SLCO4A1: variants seen among roughly 807,000 people sequenced by gnomAD.
SLCO4A1 encodes the protein colon organic anion transporter.
Under a neutral mutation model 64.6 loss-of-function variants are expected in SLCO4A1, and 51 were observed. That is an observed-to-expected ratio of 0.79 (90% CI 0.63 to 1.00). SLCO4A1 has a LOEUF of 1.00. SLCO4A1 is among the 50% of genes least tolerant of loss of function. The pLI is 0.00. For synonymous variants in SLCO4A1, 471 were observed against 444.9 expected (o/e 1.06, Z -0.74); for missense variants, 919 against 980.5 (o/e 0.94, Z 0.84).
intron 1 of SLCO4A1, chr20:62,648,833 C>T (rs1214883103): frequency 6.6e-6 from 1 of 152,316 alleles, no homozygotes; most frequent in African/African-American, 2.4e-5. Context: ...TGATTCGCAG[C>T]CATGGGCAGC....
intron 1 of SLCO4A1, among the ~76,000 whole-genome samples, chr20:62,656,072 G>A (rs938518246): frequency 5.9e-5 from 9 of 152,346 alleles, no homozygotes; most frequent in African/African-American, 1.9e-4. Flanking sequence ...ACGCCACACC[G>A]CTGAAGCGGC....
chr20:62,684,768 A>G (rs1987992301), intron 2 of SLCO4A1, among the ~76,000 whole-genome samples: 1 of 151,678 alleles, frequency 6.6e-6, no homozygotes, highest in Admixed American at 6.6e-5. Flanking sequence ...GGGTCCCCAT[A>G]ACTCATCAGG....
chr20:62,671,824 A>T lies in SLCO4A1; in HGVS notation c.2100A>T (p.Glu700Asp). Reference sequence around the variant, plus strand: ...TGTCGGAGTCTTCAGATGGCCTGGAAACTTGTCTGCCCAGCCAGTCCTCAG... The same window carrying T: ...TGTCGGAGTCTTCAGATGGCCTGGATACTTGTCTGCCCAGCCAGTCCTCAG... ...KPLSESSDGL[E>D]TCLPSQSSAP... is the part of the protein sequence containing the mutation. Residue 700 changes from glutamate to aspartate, a missense_variant, in exon 12 of 12, where the codon GAA becomes GAT. Glu to Asp is a conservative substitution (Grantham distance 45, BLOSUM62 2). Transcript: ENST00000217159. The T allele has an allele frequency of 6.2e-7, 1 of 1,613,470 alleles. No individual in the cohort carries two copies. Among genetic ancestry groups the T allele is most frequent in the African/African-American group, 1.3e-5 (1 of 75,040 alleles).
At chr20:62,655,716 G>A (rs1002942331) in intron 1 of SLCO4A1, among the ~76,000 whole-genome samples, 3 of 152,158 alleles carry the variant, frequency 2.0e-5, no homozygotes, top group African/African-American at 4.8e-5. Context: ...GGAGCTTGGC[G>A]GCCGGGGGTG....
At chr20:62,672,414 T>A, downstream of SLCO4A1, 1 of 372,780 alleles carries the variant, frequency 2.7e-6, no homozygotes, top group Non-Finnish European at 3.7e-6. Flanking sequence ...TGGCCTTCCT[T>A]ATCCACAGGC....
Position 62,657,156 on chromosome 20 carries a change from G to C in SLCO4A1, c.702G>C (p.Gln234His), listed in dbSNP as rs1361483550. 1 of 1,560,224 alleles carries C rather than the reference G, an allele frequency of 6.4e-7. No homozygotes were observed. The highest frequency in any genetic ancestry group is 8.7e-7 in the Non-Finnish European group (1 of 1,153,230). Reference sequence around the variant, plus strand: ...ACCAGCTGGTCTTCATGCTGGGCCAGTTCCTGCATGGCGTGGGTGCCACAC... The same window carrying C: ...ACCAGCTGGTCTTCATGCTGGGCCACTTCCTGCATGGCGTGGGTGCCACAC... Reference protein sequence around the residue: ...SRYQLVFMLGQFLHGVGATPL... With the variant: ...SRYQLVFMLGHFLHGVGATPL... The change falls in exon 2 of 12, where the codon CAG becomes CAC. Residue 234 changes from glutamine (Q) to histidine (H), a missense_variant. Transcript: ENST00000217159.
intron 1 of SLCO4A1, chr20:62,643,233 A>C (rs1348632608): frequency 2.9e-6 from 1 of 341,806 alleles, no homozygotes; most frequent in Non-Finnish European, 5.9e-6. Context: ...GGCGCCCTCC[A>C]GGTGCAGGCA....
chr20:62,668,932 G>A lies in SLCO4A1; in HGVS notation c.1879G>A (p.Gly627Ser). 1 of 1,602,888 alleles carries A rather than the reference G, an allele frequency of 6.2e-7. No homozygotes were observed. Among genetic ancestry groups the A allele is most frequent in the South Asian group, 1.1e-5 (1 of 91,004 alleles). ...GCTGAGTGGGCTTCTCTCCGCAGGG[G>A]GCATCCCGGGGCCCATCGCCTTCGG... ...IQWIVVRILG[G>S]IPGPIAFGWV... Residue 627 changes from glycine (G) to serine (S), a missense_variant and splice_region_variant, in exon 11 of 12, where the codon GGC becomes AGC. By Grantham distance (56) the Gly-to-Ser change is moderately conservative. Coordinates refer to ENST00000217159, the MANE Select transcript of SLCO4A1 (RefSeq NM_016354.4).
chr20:62,673,282 G>A (rs1281417599), downstream of SLCO4A1, among the ~76,000 whole-genome samples: 1 of 142,446 alleles, frequency 7.0e-6, no homozygotes, highest in African/African-American at 2.5e-5. Flanking sequence ...GAGTACAGGG[G>A]CTCTGGGGAG....
At position 62,658,662 on chromosome 20, in the gene SLCO4A1, C is replaced by T; in HGVS notation, c.797-15C>T. 1 of 1,604,236 alleles carries T rather than the reference C, an allele frequency of 6.2e-7. No individual in the cohort carries two copies. The highest frequency in any genetic ancestry group is 1.3e-5 in the African/African-American group (1 of 74,988). On this transcript the variant is annotated splice_polypyrimidine_tract_variant and intron_variant, in intron 2 of 11. Coordinates refer to ENST00000217159, the MANE Select transcript of SLCO4A1 (RefSeq NM_016354.4). ...GTGGTGCACAGCGGCCCTGACGCCT[C>T]TGCCTCTCTCGCAGCCATCTTCTAC...
In SLCO4A1 at chr20:62,661,196, G is replaced by A; in HGVS notation, c.1121+21G>A. The A allele has an allele frequency of 6.5e-7, 1 of 1,543,688 alleles. No individual in the cohort carries two copies. The highest frequency in any genetic ancestry group is 9.0e-7 in the Non-Finnish European group (1 of 1,116,710). On this transcript the variant is annotated intron_variant, in intron 5 of 11. Transcript: ENST00000217159. The surrounding 1 kb of genome is among the most constrained non-coding windows in gnomAD (Gnocchi z 5.2). Reference sequence around the variant, plus strand: ...CCTCTGTAAGGACCGGAGTCGGGAGGGTTCCTAGTGTCCTCAGACCCTTTA... The same window carrying A: ...CCTCTGTAAGGACCGGAGTCGGGAGAGTTCCTAGTGTCCTCAGACCCTTTA...
intron 2 of SLCO4A1, among the ~76,000 whole-genome samples, chr20:62,680,335 C>T (rs1182037738): frequency 6.6e-6 from 1 of 152,100 alleles, no homozygotes; most frequent in Non-Finnish European, 1.5e-5. Context: ...TCCTCTCCGA[C>T]CTATATTCCT....
chr20:62,672,061 C>A lies in SLCO4A1; in HGVS notation c.*168C>A. On this transcript the variant is annotated 3_prime_UTR_variant, in exon 12 of 12. Coordinates refer to ENST00000217159, the MANE Select transcript of SLCO4A1 (RefSeq NM_016354.4). ...CCTCCTGTCCCCAGAGCTGTACGGC[C>A]CTGCAGTGGGTGGGAGGAACTTGCA... 6.6e-7 allele frequency: 1 copy of A among 1,509,580 alleles called. No individual in the cohort carries two copies. Among genetic ancestry groups the A allele is most frequent in the Non-Finnish European group, 8.8e-7 (1 of 1,130,564 alleles). 93.5% of individuals were successfully genotyped at this position (1,509,580 alleles called of 1,614,324 possible).
chr20:62,683,117 T>G (rs1006538345), intron 2 of SLCO4A1, among the ~76,000 whole-genome samples: 1 of 152,270 alleles, frequency 6.6e-6, no homozygotes, highest in Non-Finnish European at 1.5e-5. Context: ...AGATTGATTT[T>G]AATCGGCAGC....
chr20:62,675,976 A>G (rs539149480), downstream of SLCO4A1, among the ~76,000 whole-genome samples: 1 of 152,224 alleles, frequency 6.6e-6, no homozygotes, highest in East Asian at 1.9e-4. Flanking sequence ...GAGATTTTCC[A>G]CGGCTGCTGG....
chr20:62,673,212 T>C (rs1601687093), downstream of SLCO4A1, among the ~76,000 whole-genome samples: 1 of 138,128 alleles, frequency 7.2e-6, no homozygotes, highest in Non-Finnish European at 1.6e-5. Flanking sequence ...GAGCAGGGGG[T>C]GCAGGGAGAA....
intron 5 of SLCO4A1, among the ~76,000 whole-genome samples, chr20:62,663,708 C>T (rs1286457854): frequency 6.6e-6 from 1 of 152,112 alleles, no homozygotes; most frequent in Non-Finnish European, 1.5e-5. Flanking sequence ...AAGGGTCACG[C>T]ACAGGAGCGT....
intron 1 of SLCO4A1, among the ~76,000 whole-genome samples, chr20:62,650,942 C>T (rs1321133122): frequency 1.3e-5 from 2 of 152,250 alleles, no homozygotes; most frequent in Non-Finnish European, 2.9e-5. Flanking sequence ...CTCTGGCTCA[C>T]CAGCTCAGAA....
At position 62,669,086 on chromosome 20, in the gene SLCO4A1, G is replaced by A. The variant is rs779159029; in HGVS notation, c.2025+8G>A. 2 of 1,607,634 alleles carry A rather than the reference G, an allele frequency of 1.2e-6. No individual in the cohort carries two copies. The highest frequency in any genetic ancestry group is 2.2e-5 in the East Asian group (1 of 44,878). Reference sequence around the variant, plus strand: ...ATGGGGCTCCTGTACAAGGTAAGCAGGCCCAGGGAGGGGACAGAGGGTCTG... The same window carrying A: ...ATGGGGCTCCTGTACAAGGTAAGCAAGCCCAGGGAGGGGACAGAGGGTCTG... On this transcript the variant is annotated splice_region_variant and intron_variant, in intron 11 of 11. Transcript: ENST00000217159.
Sources: allele counts gnomAD v4.1 joint callset (sites outside exome capture counted in the v4.1 genomes callset), GRCh38; gene constraint gnomAD v4.1.1; non-coding constraint Gnocchi (gnomAD v3.1); transcripts MANE v1.5; gene names NCBI Gene and HGNC (gene_info 2026-07-23, HGNC 2026-07-21).